APBB2: variants seen among roughly 807,000 people sequenced by gnomAD.
APBB2 encodes the protein Fe65-like 1.
APBB2 carries 38 observed loss-of-function variants against 82.5 expected under a neutral mutation model. The ratio of observed to expected loss-of-function variants is 0.46; its 90% CI spans 0.36 to 0.60. The LOEUF (loss-of-function observed/expected upper bound fraction) is 0.60. Among genes scored for constraint, APBB2 ranks in the 20% least tolerant of loss-of-function variants. The pLI is 0.00. For synonymous variants in APBB2, 341 were observed against 368.2 expected (o/e 0.93, Z 0.85); for missense variants, 772 against 972.3 (o/e 0.79, Z 2.74).
At chr4:41,022,927 G>A (rs1223057978) in intron 5 of APBB2, among the ~76,000 whole-genome samples, 4 of 152,136 alleles carry the variant, frequency 2.6e-5, no homozygotes. Context: ...ATATATCAGA[G>A]AAAGGGTGAT....
At chr4:40,879,303 AG>A (rs966236466) in intron 12 of APBB2, among the ~76,000 whole-genome samples, 1 of 152,040 alleles carries the variant, frequency 6.6e-6, no homozygotes, top group African/African-American at 2.4e-5. Context: ...GTCCACCCAA[AG>A]GCTCAAGGCT....
chr4:40,961,588 T>A (rs1417405909), intron 6 of APBB2, among the ~76,000 whole-genome samples: 1 of 142,948 alleles, frequency 7.0e-6, no homozygotes, highest in Non-Finnish European at 1.5e-5. Context: ...GGCACATGTA[T>A]GCATATGTAA....
At position 41,197,108 on chromosome 4, in the gene APBB2, C is replaced by T; in HGVS notation, c.-417+17297G>A. ...AACAAAATCATGTTGGCTCAACATG[C>T]CGGTTTATTTTTTTTATTTTGCCTA... On this transcript the variant is annotated intron_variant, in intron 1 of 17. Coordinates refer to ENST00000508593, the MANE Select transcript of APBB2 (RefSeq NM_004307.2). Among the ~76,000 whole-genome samples the T allele has an allele frequency of 2.6e-5, 4 of 152,182 alleles. No individual in the cohort carries two copies. The East Asian group carries it at 5.8e-4, about 22-fold the overall frequency.
At chr4:41,087,311 C>T (rs1276872824) in intron 3 of APBB2, among the ~76,000 whole-genome samples, 1 of 152,192 alleles carries the variant, frequency 6.6e-6, no homozygotes, top group Non-Finnish European at 1.5e-5. Context: ...AGCATTTATT[C>T]TCTTTTAAAA....
chr4:41,010,033 T>C (rs527255782), intron 6 of APBB2, among the ~76,000 whole-genome samples: 13 of 152,324 alleles, frequency 8.5e-5, no homozygotes, highest in Non-Finnish European at 1.6e-4. Flanking sequence ...ATGTATTACC[T>C]GAAACCTGAA....
At chr4:40,860,851 C>T (rs984172084) in intron 12 of APBB2, among the ~76,000 whole-genome samples, 1 of 152,056 alleles carries the variant, frequency 6.6e-6, no homozygotes, top group African/African-American at 2.4e-5. Context: ...AACAAATTTC[C>T]ATTTTGCAAA....
intron 2 of APBB2, among the ~76,000 whole-genome samples, chr4:41,101,261 G>A (rs1280093859): frequency 6.7e-6 from 1 of 148,798 alleles, no homozygotes; most frequent in African/African-American, 2.5e-5. Context: ...TCAGGAGATC[G>A]AGACCATCCT....
intron 12 of APBB2, chr4:40,848,852 A>T (rs1303356684): frequency 6.1e-6 from 6 of 985,120 alleles, no homozygotes; most frequent in Non-Finnish European, 7.2e-6. Context: ...CATCCTGATC[A>T]TCACTGCCTC....
intron 15 of APBB2, among the ~76,000 whole-genome samples, chr4:40,825,470 A>T (rs1165261211): frequency 2.0e-5 from 3 of 152,202 alleles, no homozygotes; most frequent in Non-Finnish European, 4.4e-5. Context: ...TGTGTGTGCC[A>T]CTACTGTGTC....
chr4:40,926,299 T>TA (rs1464978050), intron 10 of APBB2, among the ~76,000 whole-genome samples: 2 of 152,156 alleles, frequency 1.3e-5, no homozygotes, highest in Non-Finnish European at 2.9e-5. Flanking sequence ...TGCCCACAGG[T>TA]ACAGTAACGT....
intron 12 of APBB2, chr4:40,857,228 G>A: frequency 1.0e-6 from 1 of 967,570 alleles, no homozygotes; most frequent in South Asian, 4.8e-5. Flanking sequence ...GGCTGCTGGG[G>A]AGGCGCGTGG....
chr4:40,931,434 C>CTATTTTTT (rs1416808512), intron 10 of APBB2, among the ~76,000 whole-genome samples: 1 of 152,120 alleles, frequency 6.6e-6, no homozygotes, highest in Non-Finnish European at 1.5e-5. Flanking sequence ...CCACACCCAG[C>CTATTTTTT]TATTTTTTTA....
chr4:41,098,325 C>T (rs558260164), intron 3 of APBB2, among the ~76,000 whole-genome samples: 1 of 152,194 alleles, frequency 6.6e-6, no homozygotes, highest in Non-Finnish European at 1.5e-5. Flanking sequence ...GCTGGGACTA[C>T]AGGCACTTAC....
In APBB2 at chr4:41,013,954, G is replaced by C; in HGVS notation, c.464C>G (p.Pro155Arg). The C allele has an allele frequency of 6.2e-7, 1 of 1,614,154 alleles. No individual in the cohort carries two copies. Among genetic ancestry groups the C allele is most frequent in the Non-Finnish European group, 8.5e-7 (1 of 1,180,032 alleles). Reference sequence around the variant, plus strand: ...ATTTAGGAAGCTCTTAGTTCTCCTGGGCTGGGAGGGTAAAATCTCACAGCT... The same window carrying C: ...ATTTAGGAAGCTCTTAGTTCTCCTGCGCTGGGAGGGTAAAATCTCACAGCT... ...SSSCEILPSQPRRTKSFLNYY... is the reference protein window; with the variant it reads ...SSSCEILPSQRRRTKSFLNYY... Residue 155 changes from proline (P) to arginine (R), a missense_variant, in exon 6 of 18, where the codon CCC becomes CGC. Transcript: ENST00000508593.
At chr4:41,041,358 G>A (rs1039653612) in intron 4 of APBB2, among the ~76,000 whole-genome samples, 3 of 152,160 alleles carry the variant, frequency 2.0e-5, no homozygotes, top group Admixed American at 2.0e-4. Flanking sequence ...GCATAATGAA[G>A]AGTATTTAAT....
chr4:40,998,149 T>C (rs1804164820), intron 6 of APBB2, among the ~76,000 whole-genome samples: 1 of 152,218 alleles, frequency 6.6e-6, no homozygotes, highest in Non-Finnish European at 1.5e-5. Context: ...AATCAGAATT[T>C]TGGAAAACTT....
At chr4:40,931,799 CTT>C (rs111481667) in intron 10 of APBB2, among the ~76,000 whole-genome samples, 4 of 144,738 alleles carry the variant, frequency 2.8e-5, no homozygotes, top group African/African-American at 7.6e-5. Context: ...TTTCTGTGCC[CTT>C]TTTTTTTTTT....
At chr4:40,934,947 C>T (rs1378281027) in intron 8 of APBB2, 130 bp downstream of exon 8, 17 of 796,448 alleles carry the variant, frequency 2.1e-5, no homozygotes, top group Non-Finnish European at 3.1e-5. Context: ...GAGCTGAATG[C>T]CCCTAGCAAG....
chr4:40,938,467 T>C (rs891316386), intron 7 of APBB2, among the ~76,000 whole-genome samples: 2 of 152,238 alleles, frequency 1.3e-5, no homozygotes, highest in African/African-American at 2.4e-5. Flanking sequence ...TCTTCTTCCA[T>C]GTTTCTCTTC....
Sources: gnomAD v4.1 joint callset for allele counts (sites outside exome capture counted in the v4.1 genomes callset) on GRCh38, gnomAD v4.1.1 for gene constraint, MANE v1.5 for transcripts, NCBI Gene and HGNC (gene_info 2026-07-23, HGNC 2026-07-21) for gene names.